Variants in XIST observed in about 807,000 individuals in gnomAD.
XIST encodes the protein X inactive specific transcript (non-protein coding).
exon 1 of XIST, chrX:73,852,468 T>A (rs1289007072): frequency 1.8e-6 from 1 of 544,692 alleles, no homozygotes; most frequent in Admixed American, 2.3e-5. Context: ...AAAGAAAAAT[T>A]CCTTAAATAT....
chrX:73,848,624 A>G (rs754275585), exon 1 of XIST: 1 of 558,301 alleles, frequency 1.8e-6, no homozygotes, highest in Non-Finnish European at 3.2e-6. Flanking sequence ...AACTGTGCAA[A>G]TTAACTGTTC....
exon 1 of XIST, chrX:73,849,052 GA>G (rs778212482): frequency 5.4e-5 from 30 of 557,806 alleles, no homozygotes; most frequent in Non-Finnish European, 9.7e-5. Flanking sequence ...GTAACTAACA[GA>G]ACTATGGATA....
At chrX:73,822,754 G>A (rs968652249) in exon 6 of XIST, 1 of 550,243 alleles carries the variant, frequency 1.8e-6, no homozygotes, top group Non-Finnish European at 3.3e-6. Context: ...TTAGCATTTA[G>A]TATCATCTTC....
chrX:73,822,861 G>A (rs1046967127), exon 6 of XIST: 8 of 556,705 alleles, frequency 1.4e-5, no homozygotes, highest in African/African-American at 6.7e-5. Flanking sequence ...CCTTAGTATC[G>A]AACATATCAC....
chrX:73,851,737 AC>A, exon 1 of XIST: 1 of 558,949 alleles, frequency 1.8e-6, no homozygotes. Context: ...CCTCTGCCTG[AC>A]CTGCTATCAT....
exon 1 of XIST, chrX:73,850,543 C>A (rs1258493515): frequency 1.8e-6 from 1 of 544,924 alleles, no homozygotes; most frequent in South Asian, 2.3e-5. Flanking sequence ...TTGAGGAAGG[C>A]AGGAATTCCT....
chrX:73,821,638 G>C (rs779847045), exon 6 of XIST: 4 of 555,650 alleles, frequency 7.2e-6, no homozygotes, highest in South Asian at 2.3e-5. Context: ...AACAAAGGCA[G>C]GTTGCCCTTA....
chrX:73,829,108 T>G, exon 5 of XIST: 1 of 558,842 alleles, frequency 1.8e-6, no homozygotes, highest in Non-Finnish European at 3.2e-6. Context: ...CCAGGCATGT[T>G]GATCTTCAGG....
At chrX:73,837,946 C>T (rs927612781) in intron 1 of XIST, among the ~76,000 whole-genome samples, 2 of 111,007 alleles carry the variant, frequency 1.8e-5, no homozygotes, top group Non-Finnish European at 3.8e-5. Context: ...GCCCAAATAA[C>T]CAGGTATCCG....
intron 2 of XIST, among the ~76,000 whole-genome samples, chrX:73,834,237 TA>T (rs1397807067): frequency 8.9e-6 from 1 of 112,384 alleles, no homozygotes; most frequent in East Asian, 2.8e-4. Flanking sequence ...CAAATACACC[TA>T]AAGAAATTTT....
exon 6 of XIST, chrX:73,825,916 C>T (rs748400571): frequency 1.8e-6 from 1 of 559,241 alleles, no homozygotes; most frequent in Non-Finnish European, 3.2e-6. Context: ...ACATGCTCAA[C>T]AGTCCCAGGT....
exon 1 of XIST, chrX:73,842,217 G>A (rs762844172): frequency 2.0e-4 from 104 of 515,139 alleles, no homozygotes; most frequent in Non-Finnish European, 3.3e-4. Flanking sequence ...CTGTATCCTG[G>A]CATTTGGCAC....
At chrX:73,834,299 G>C (rs1455210840) in intron 2 of XIST, among the ~76,000 whole-genome samples, 1 of 112,512 alleles carries the variant, frequency 8.9e-6, no homozygotes, top group Non-Finnish European at 1.9e-5. Context: ...ATCTAAAAGG[G>C]AACAACTATT....
chrX:73,821,055 T>A, exon 6 of XIST: 1 of 559,068 alleles, frequency 1.8e-6, no homozygotes, highest in Non-Finnish European at 3.2e-6. Context: ...TTTTAGTTAC[T>A]TTCTTCTTTC....
chrX:73,834,862 C>T (rs7066064), intron 2 of XIST, among the ~76,000 whole-genome samples: 8,264 of 61,993 alleles, frequency 0.13, 958 homozygotes, highest in African/African-American at 0.35. Context: ...GGGTGGGGGG[C>T]GGGTGCCTGT....
exon 6 of XIST, chrX:73,826,793 A>G (rs773344328): frequency 2.7e-5 from 15 of 555,875 alleles, no homozygotes; most frequent in Admixed American, 2.7e-4. Context: ...GGGGCCTTCC[A>G]TCCTTGGGTT....
intron 4 of XIST, chrX:73,830,924 G>T (rs560260812): frequency 1.6e-5 from 7 of 437,355 alleles, no homozygotes; most frequent in African/African-American, 9.7e-5. Flanking sequence ...TGCTTCCCAG[G>T]TTAGTTAGGA....
exon 6 of XIST, chrX:73,826,067 C>T: frequency 1.8e-6 from 1 of 558,954 alleles, no homozygotes; most frequent in Non-Finnish European, 3.2e-6. Context: ...CACAGTCACC[C>T]TTTCCATAAC....
At chrX:73,823,526 G>A (rs941244678) in exon 6 of XIST, 4 of 549,932 alleles carry the variant, frequency 7.3e-6, no homozygotes, top group South Asian at 4.5e-5. Context: ...CATAAAAGAT[G>A]CTTTGTTTAT....
Sources: allele counts gnomAD v4.1 joint callset (sites outside exome capture counted in the v4.1 genomes callset), GRCh38; gene constraint gnomAD v4.1.1; transcripts MANE v1.5; gene names NCBI Gene and HGNC (gene_info 2026-07-23, HGNC 2026-07-21).